The following RNF40 variants were observed in gnomAD, a reference collection of about 807,000 sequenced individuals.
The protein encoded by RNF40 is E3 ubiquitin-protein ligase BRE1B.
RNF40 carries 39 observed loss-of-function variants against 123.3 expected under a neutral mutation model. The observed-to-expected ratio is 0.32, with a 90% CI of 0.24 to 0.41. The LOEUF (loss-of-function observed/expected upper bound fraction) is 0.41, where lower values mean the gene tolerates loss of function less well. Ranked by LOEUF, RNF40 falls within the 10% of genes least tolerant of loss-of-function variation. The pLI is 1.00. For synonymous variants in RNF40, 538 were observed against 526.0 expected, an observed-to-expected ratio of 1.02 and a Z score of -0.31; for missense variants, 1,003 against 1,319.9, an observed-to-expected ratio of 0.76 and a Z score of 3.72.
intron 11 of RNF40, 105 bp from the exon 12 acceptor site, chr16:30,767,789 C>G (rs573199464): frequency 1.3e-6 from 2 of 1,492,752 alleles, no homozygotes; most frequent in Admixed American, 1.7e-5. Flanking sequence ...CAATGTTCCC[C>G]TCCTGCACAG....
chr16:30,772,706 G>A (rs1401235496), intron 19 of RNF40, among the ~76,000 whole-genome samples: 3 of 152,252 alleles, frequency 2.0e-5, no homozygotes, highest in Non-Finnish European at 2.9e-5. Context: ...AATCAGAGGA[G>A]CCAATGTGGA....
chr16:30,762,646 AG>A lies in RNF40; in HGVS notation c.102del (p.Glu34AspfsTer16), dbSNP rs1213450416. 6.2e-7 allele frequency: 1 copy of A among 1,613,176 alleles called. No individual in the cohort carries two copies. The highest frequency in any genetic ancestry group is 8.5e-7 in the Non-Finnish European group (1 of 1,179,884). On this transcript the variant is annotated frameshift_variant, in exon 2 of 20. Transcript: ENST00000324685. LOFTEE classifies it high-confidence loss of function. ...REEKTTTTLI[E>X]PIRLGGISST... The stretch of plus-strand genomic sequence containing the variant: ...GAGAAGACCACCACGACTCTTATCG[AG>A]CCCATTCGTCTTGGAGGCATCTCTT...
Position 30,769,165 on chromosome 16 carries a change from G to A in RNF40, c.2248-21G>A, listed in dbSNP as rs372216222. The A allele has an allele frequency of 1.9e-6, 3 of 1,613,366 alleles. No individual in the cohort carries two copies. The African/African-American group carries it at 4.0e-5, about 22-fold the overall frequency. On this transcript the variant is annotated intron_variant, in intron 15 of 19. Coordinates refer to ENST00000324685, the MANE Select transcript of RNF40 (RefSeq NM_014771.4). The stretch of plus-strand genomic sequence containing the variant: ...CTGTCCACTTCCCACGTTCCATCTT[G>A]TCTCTGCCCACTTGCTGCAGGAGGA...
In RNF40 at chr16:30,767,951, A is replaced by C; in HGVS notation, c.1487A>C (p.Gln496Pro). The change falls in exon 12 of 20, where the codon CAG becomes CCG. Residue 496 changes from glutamine to proline, a missense_variant. Transcript: ENST00000324685. ...AGTAGTCTTCAAAACCACAACCACC[A>C]GCTAAAAGGGGACGCCCAGCGATAC... is the stretch of plus-strand genomic sequence containing the variant. ...LISSLQNHNHQLKGDAQRYKR... is the reference protein window; with the variant it reads ...LISSLQNHNHPLKGDAQRYKR... 1 of 1,614,196 alleles carries C rather than the reference A, an allele frequency of 6.2e-7. No homozygotes were observed. Among genetic ancestry groups the C allele is most frequent in the Non-Finnish European group, 8.5e-7 (1 of 1,180,046 alleles).
In RNF40 at chr16:30,766,552, C is replaced by T. The variant is rs527604145; in HGVS notation, c.1287C>T (p.His429=). The part of the protein sequence containing the change: ...TKNSHLRHIE[H]MESDELGLQK... ...ACTCCCACCTGCGACACATCGAGCA[C>T]ATGGAGGTATGGCCCTGGAACAGGC... Residue 429 remains histidine (H), a synonymous_variant, in exon 10 of 20, where the codon CAC becomes CAT. Transcript: ENST00000324685. This position sits in a 1 kb window ranked among gnomAD's most constrained non-coding sequence, Gnocchi z 5.4. The T allele has an allele frequency of 1.2e-6, 2 of 1,608,750 alleles. No individual in the cohort carries two copies. The highest frequency in any genetic ancestry group is 4.5e-5 in the East Asian group (2 of 44,824).
Position 30,766,672 on chromosome 16 carries a change from C to G in RNF40, c.1294-69C>G, listed in dbSNP as rs945557373. ...GCCAGGGGTCCCTGGGGAATAGATT[C>G]TTCCTAAGATACTGAGTCCTGAGGT... On this transcript the variant is annotated intron_variant, in intron 10 of 19. Coordinates refer to ENST00000324685, the MANE Select transcript of RNF40 (RefSeq NM_014771.4). The surrounding 1 kb of genome is among the most constrained non-coding windows in gnomAD (Gnocchi z 5.4). 5 of 1,599,776 alleles carry G rather than the reference C, an allele frequency of 3.1e-6. No homozygotes were observed. Among genetic ancestry groups the G allele is most frequent in the Non-Finnish European group, 3.4e-6 (4 of 1,171,490 alleles).
At chr16:30,773,693 G>T in intron 19 of RNF40, 1 of 397,554 alleles carries the variant, frequency 2.5e-6, no homozygotes, top group Non-Finnish European at 4.5e-6. Context: ...GTCCTTTTGA[G>T]GGGACACATG....
upstream of RNF40, chr16:30,761,638 C>T (rs1300988609): frequency 1.3e-6 from 2 of 1,535,982 alleles, no homozygotes; most frequent in Non-Finnish European, 8.7e-7. Context: ...GCGCGGCCGA[C>T]CCATGCACTG....
In RNF40 at chr16:30,768,361, C is replaced by G. The variant is rs1490935332; in HGVS notation, c.1810C>G (p.Arg604Gly). 6.2e-7 allele frequency: 1 copy of G among 1,613,100 alleles called. No individual in the cohort carries two copies. The highest frequency in any genetic ancestry group is 8.5e-7 in the Non-Finnish European group (1 of 1,179,704). The stretch of plus-strand genomic sequence containing the variant: ...GGCCCAGGGCCCTTCCTCCCGGGGC[C>G]GAGAACCTGAGGCCAGGCCCAAGCG... ...PGAQGPSSRG[R>G]EPEARPKREL... The change falls in exon 13 of 20, where the codon CGA (arginine) becomes GGA (glycine). Residue 604 changes from arginine (R) to glycine (G), a missense_variant. Transcript: ENST00000324685. This position sits in a 1 kb window ranked among gnomAD's most constrained non-coding sequence, Gnocchi z 4.1.
chr16:30,766,170 T>A lies in RNF40; in HGVS notation c.1001T>A (p.Met334Lys). 6.2e-7 allele frequency: 1 copy of A among 1,614,054 alleles called. No homozygotes were observed. Among genetic ancestry groups the A allele is most frequent in the South Asian group, 1.1e-5 (1 of 91,038 alleles). The change falls in exon 9 of 20, where the codon ATG becomes AAG. Residue 334 changes from methionine to lysine, a missense_variant. Met to Lys is a moderately conservative substitution (Grantham distance 95). Around this residue, in one of 11 missense-constraint regions of RNF40, gnomAD observed 274 missense variants for 356.9 expected, o/e 0.77. Coordinates refer to ENST00000324685, the MANE Select transcript of RNF40 (RefSeq NM_014771.4). The surrounding 1 kb of genome is among the most constrained non-coding windows in gnomAD (Gnocchi z 5.4). ...CTGCCTCCCACTCCTTAGTTTGAGA[T>A]GCTGAATGCAGAGTTAGAGGAAAAC... is the stretch of plus-strand genomic sequence containing the variant. ...QITLSMQKFE[M>K]LNAELEENQE... is the part of the protein sequence containing the mutation.
In RNF40 at chr16:30,766,682, TACTGAG is replaced by T; in HGVS notation, c.1294-58_1294-53del. 6.2e-7 allele frequency: 1 copy of T among 1,606,640 alleles called. No individual in the cohort carries two copies. Among genetic ancestry groups the T allele is most frequent in the African/African-American group, 1.3e-5 (1 of 74,900 alleles). ...CCTGGGGAATAGATTCTTCCTAAGA[TACTGAG>T]TCCTGAGGTGGGACCGAGGGGCTGT... On this transcript the variant is annotated intron_variant, in intron 10 of 19. Coordinates refer to ENST00000324685, the MANE Select transcript of RNF40 (RefSeq NM_014771.4). This position sits in a 1 kb window ranked among gnomAD's most constrained non-coding sequence, Gnocchi z 5.4.
chr16:30,761,614 A>G, upstream of RNF40: 1 of 1,535,974 alleles, frequency 6.5e-7, no homozygotes, highest in South Asian at 1.2e-5. Context: ...GAGTCCGCAC[A>G]CTCGCACGCG....
At chr16:30,762,985 T>C in intron 2 of RNF40, 133 bp from the exon 3 acceptor site, 1 of 1,027,828 alleles carries the variant, frequency 9.7e-7, no homozygotes, top group Non-Finnish European at 1.4e-6. Context: ...CCTCCTTAGA[T>C]TCTGTTAGCG....
At position 30,772,199 on chromosome 16, in the gene RNF40, G is replaced by A. The variant is rs1226226149; in HGVS notation, c.2829+9G>A. On this transcript the variant is annotated intron_variant, in intron 19 of 19. Transcript: ENST00000324685. ...AGATCAAGGAGTACAAGGTGGGGCTGTGGGCCAAGTTGTGCCCTATCCACC... is the reference window on the plus strand; with the variant it reads ...AGATCAAGGAGTACAAGGTGGGGCTATGGGCCAAGTTGTGCCCTATCCACC... 6.5e-7 allele frequency: 1 copy of A among 1,547,464 alleles called. No individual in the cohort carries two copies. The highest frequency in any genetic ancestry group is 2.0e-5 in the Admixed American group (1 of 51,016).
chr16:30,762,786 G>T, intron 2 of RNF40, 109 bp downstream of exon 2: 2 of 1,371,966 alleles, frequency 1.5e-6, no homozygotes, highest in Non-Finnish European at 2.0e-6. Flanking sequence ...AGCAAGGTCC[G>T]CGTTACAGGA....
At chr16:30,772,257 G>A (rs573719938) in intron 19 of RNF40, 67 bp downstream of exon 19, 7 of 1,310,458 alleles carry the variant, frequency 5.3e-6, no homozygotes, top group Non-Finnish European at 7.6e-6. Context: ...GCTGAGACTA[G>A]TGGAGAGTCT....
At chr16:30,765,820 A>G (rs938423576) in intron 8 of RNF40, among the ~76,000 whole-genome samples, 1 of 152,260 alleles carries the variant, frequency 6.6e-6, no homozygotes, top group Non-Finnish European at 1.5e-5. Context: ...TGTTATGAGT[A>G]CCACAAAGAT....
In RNF40 at chr16:30,769,320, C is replaced by A; in HGVS notation, c.2382C>A (p.Ile794=). 1 of 1,614,224 alleles carries A rather than the reference C, an allele frequency of 6.2e-7. No homozygotes were observed. Among genetic ancestry groups the A allele is most frequent in the Non-Finnish European group, 8.5e-7 (1 of 1,180,042 alleles). Residue 794 remains isoleucine (I), a synonymous_variant, in exon 16 of 20, where the codon ATC becomes ATA. Coordinates refer to ENST00000324685, the MANE Select transcript of RNF40 (RefSeq NM_014771.4). ...ACTTTAAGCTAATGTCAGAGCGGAT[C>A]AAGGCCAACCAGATTCACAAGCTGC... The part of the protein sequence containing the change: ...DANFKLMSER[I]KANQIHKLLR...
In RNF40 at chr16:30,768,608, C is replaced by T. The variant is rs750040881; in HGVS notation, c.1980-11C>T. On this transcript the variant is annotated splice_polypyrimidine_tract_variant and intron_variant, in intron 13 of 19. Coordinates refer to ENST00000324685, the MANE Select transcript of RNF40 (RefSeq NM_014771.4). This position sits in a 1 kb window ranked among gnomAD's most constrained non-coding sequence, Gnocchi z 4.1. ...CACTCACTAAGACTTCCTCCTGTAC[C>T]TTCTTGCCAGGAAGGCCCAGGAGAG... is the stretch of plus-strand genomic sequence containing the variant. 1.2e-6 allele frequency: 2 copies of T among 1,614,172 alleles called. No individual in the cohort carries two copies. The highest frequency in any genetic ancestry group is 2.2e-5 in the East Asian group (1 of 44,874).
Sources: allele counts gnomAD v4.1 joint callset (sites outside exome capture counted in the v4.1 genomes callset), GRCh38; gene constraint gnomAD v4.1.1; regional missense constraint gnomAD v4.1.1; non-coding constraint Gnocchi (gnomAD v3.1); transcripts MANE v1.5; gene names NCBI Gene and HGNC (gene_info 2026-07-23, HGNC 2026-07-21).